RTN1: variants seen among roughly 807,000 people sequenced by gnomAD.
The protein encoded by RTN1 is reticulon-1.
A neutral mutation model predicts 65.5 loss-of-function variants in RTN1; 25 were observed. The ratio of observed to expected loss-of-function variants is 0.38; its 90% CI spans 0.28 to 0.53. The LOEUF is 0.53. Ranked by LOEUF, RTN1 falls within the 20% of genes least tolerant of loss-of-function variation. RTN1 has a pLI of 0.79. For missense variants in RTN1, 983 were observed against 1,025.4 expected (o/e 0.96, Z 0.57); for synonymous variants, 471 against 447.6 (o/e 1.05, Z -0.66).
chr14:59,792,010 C>G (rs1373843757), intron 1 of RTN1, among the ~76,000 whole-genome samples: 1 of 152,126 alleles, frequency 6.6e-6, no homozygotes, highest in African/African-American at 2.4e-5. Flanking sequence ...CTGCCCCCTC[C>G]CCTGCCTCAG....
rs545488383 is a variant in RTN1 at position 59,712,644 on chromosome 14, G to A, written c.1765+14275C>T. On this transcript the variant is annotated intron_variant, in intron 3 of 8. Transcript: ENST00000267484. ...CCTGCATTAAATAAGTAATTAGGCC[G>A]GGCGTGGTGGCTCACACCTATAATC... is the stretch of plus-strand genomic sequence containing the variant. Among the ~76,000 whole-genome samples the A allele has an allele frequency of 1.4e-4, 21 of 152,292 alleles. No individual in the cohort carries two copies. The East Asian group carries it at 1.9e-3, about 14-fold the overall frequency.
intron 3 of RTN1, among the ~76,000 whole-genome samples, chr14:59,666,540 C>T (rs1008472994): frequency 6.6e-6 from 1 of 151,886 alleles, no homozygotes; most frequent in African/African-American, 2.4e-5. Flanking sequence ...ACTAGAGAAG[C>T]AAGAGCAAAC....
chr14:59,638,893 T>C lies in RTN1; in HGVS notation c.1766-31401A>G, dbSNP rs1882719909. On this transcript the variant is annotated intron_variant, in intron 3 of 8. Coordinates refer to ENST00000267484, the MANE Select transcript of RTN1 (RefSeq NM_021136.3). ...TACTTTTCATTTCCTTCAAGAATTCTTCCTTTGCATTTACAACTTGGATAA... is the reference window on the plus strand; with the variant it reads ...TACTTTTCATTTCCTTCAAGAATTCCTCCTTTGCATTTACAACTTGGATAA... Among the ~76,000 whole-genome samples, 3 of 152,266 alleles carry C rather than the reference T, an allele frequency of 2.0e-5. No homozygotes were observed. The South Asian group carries it at 6.2e-4, about 31-fold the overall frequency.
At chr14:59,723,063 G>T (rs1393111252) in intron 3 of RTN1, among the ~76,000 whole-genome samples, 2 of 152,136 alleles carry the variant, frequency 1.3e-5, no homozygotes, top group African/African-American at 4.8e-5. Context: ...CTCCCAAAGT[G>T]CTGGGGCTAC....
intron 1 of RTN1, among the ~76,000 whole-genome samples, chr14:59,832,180 T>G (rs888108910): frequency 4.6e-5 from 7 of 152,200 alleles, no homozygotes; most frequent in African/African-American, 1.7e-4. Context: ...GTACACATTG[T>G]CTTCAGATCC....
intron 1 of RTN1, among the ~76,000 whole-genome samples, chr14:59,818,943 T>A (rs1466616504): frequency 1.3e-5 from 2 of 152,090 alleles, no homozygotes; most frequent in African/African-American, 4.8e-5. Flanking sequence ...TCGCGGTGAG[T>A]GTTAAAGCTC....
At chr14:59,780,037 A>T (rs1293195609) in intron 1 of RTN1, among the ~76,000 whole-genome samples, 1 of 152,192 alleles carries the variant, frequency 6.6e-6, no homozygotes, top group African/African-American at 2.4e-5. Context: ...ACTAATTGGT[A>T]TTTCCTGCAC....
intron 3 of RTN1, among the ~76,000 whole-genome samples, chr14:59,680,904 T>C (rs1197694195): frequency 2.6e-5 from 4 of 152,032 alleles, no homozygotes; most frequent in Non-Finnish European, 5.9e-5. Context: ...AAAATGTTTA[T>C]CATATCAAGT....
At position 59,825,700 on chromosome 14, in the gene RTN1, G is replaced by T. The variant is rs1887019844; in HGVS notation, c.241+44690C>A. ...GGAATAGTGTTACTGTGTGCTCTTAGAGTTACACAGAATTTTACAGTCTAC... is the reference window on the plus strand; with the variant it reads ...GGAATAGTGTTACTGTGTGCTCTTATAGTTACACAGAATTTTACAGTCTAC... On this transcript the variant is annotated intron_variant, in intron 1 of 8. Coordinates refer to ENST00000267484, the MANE Select transcript of RTN1 (RefSeq NM_021136.3). The surrounding 1 kb of genome is among the most constrained non-coding windows in gnomAD (Gnocchi z 4.2). Among the ~76,000 whole-genome samples the T allele has an allele frequency of 6.6e-6, 1 of 152,212 alleles. No individual in the cohort carries two copies. The highest frequency in any genetic ancestry group is 2.1e-4 in the South Asian group (1 of 4,830).
At chr14:59,656,386 A>G (rs977568099) in intron 3 of RTN1, among the ~76,000 whole-genome samples, 3 of 152,218 alleles carry the variant, frequency 2.0e-5, no homozygotes, top group Non-Finnish European at 4.4e-5. Flanking sequence ...AGAAATATGG[A>G]AGAAAAAAAT....
chr14:59,838,169 T>C (rs150061082), intron 1 of RTN1, among the ~76,000 whole-genome samples: 1 of 152,304 alleles, frequency 6.6e-6, no homozygotes, highest in African/African-American at 2.4e-5. Flanking sequence ...TACCCAATGG[T>C]TAGCTCCCAC....
intron 1 of RTN1, among the ~76,000 whole-genome samples, chr14:59,791,896 G>T (rs563330166): frequency 6.6e-6 from 1 of 152,038 alleles, no homozygotes; most frequent in Non-Finnish European, 1.5e-5. Context: ...CATAGGGGGA[G>T]CTTTCCAAAT....
chr14:59,664,620 T>C (rs187816813), intron 3 of RTN1, among the ~76,000 whole-genome samples: 1 of 152,300 alleles, frequency 6.6e-6, no homozygotes, highest in Admixed American at 6.5e-5. Flanking sequence ...GTATTAACTA[T>C]ATTTTGTATT....
At position 59,713,375 on chromosome 14, in the gene RTN1, G is replaced by A. The variant is rs202120521; in HGVS notation, c.1765+13544C>T. ...CAGAACAGTTTCACAGGATGCCAAAGCATGATGGAAATTTCCGATGAGAAC... is the reference window on the plus strand; with the variant it reads ...CAGAACAGTTTCACAGGATGCCAAAACATGATGGAAATTTCCGATGAGAAC... On this transcript the variant is annotated intron_variant, in intron 3 of 8. Transcript: ENST00000267484. 6.6e-5 allele frequency among the ~76,000 whole-genome samples: 10 copies of A among 152,322 alleles called. No homozygotes were observed. The East Asian group carries it at 1.7e-3, about 26-fold the overall frequency.
intron 1 of RTN1, among the ~76,000 whole-genome samples, chr14:59,826,249 A>G (rs967853558): frequency 2.8e-4 from 42 of 152,218 alleles, no homozygotes; most frequent in African/African-American, 9.9e-4. Flanking sequence ...ACTAAACTAG[A>G]TAACCTTTGG....
intron 1 of RTN1, among the ~76,000 whole-genome samples, chr14:59,814,960 T>C (rs904309791): frequency 1.6e-4 from 24 of 152,218 alleles, no homozygotes; most frequent in African/African-American, 5.8e-4. Flanking sequence ...GCAGAAATAG[T>C]AGTAAAACTT....
At chr14:59,764,215 A>G (rs1885805130) in intron 1 of RTN1, among the ~76,000 whole-genome samples, 1 of 152,200 alleles carries the variant, frequency 6.6e-6, no homozygotes, top group Non-Finnish European at 1.5e-5. Context: ...GGATCCAGTG[A>G]CTGTTTTAGA....
chr14:59,640,427 C>A (rs950413960), intron 3 of RTN1, among the ~76,000 whole-genome samples: 16 of 152,198 alleles, frequency 1.1e-4, no homozygotes, highest in African/African-American at 3.9e-4. Context: ...AGCGATTCTC[C>A]TGCCTCAGCC....
At chr14:59,751,577 T>C (rs912940281) in intron 1 of RTN1, among the ~76,000 whole-genome samples, 1 of 152,154 alleles carries the variant, frequency 6.6e-6, no homozygotes, top group Non-Finnish European at 1.5e-5. Context: ...TATAAATGAA[T>C]AGTCTGGAGA....
Sources: gnomAD v4.1 joint callset for allele counts (sites outside exome capture counted in the v4.1 genomes callset) on GRCh38, gnomAD v4.1.1 for gene constraint, Gnocchi (gnomAD v3.1) non-coding constraint, MANE v1.5 for transcripts, NCBI Gene and HGNC (gene_info 2026-07-23, HGNC 2026-07-21) for gene names.